The following OSTN variants were observed in gnomAD, a reference collection of about 807,000 sequenced individuals.
OSTN encodes the protein osteocrin.
Under a neutral mutation model 12.0 loss-of-function variants are expected in OSTN, and 9 were observed. The observed-to-expected ratio is 0.75, with a 90% confidence interval of 0.45 to 1.30. OSTN has a LOEUF of 1.30. OSTN is among the 50% of genes most tolerant of loss of function. The probability of loss-of-function intolerance (pLI) is 0.00; values close to 1 mark genes in which losing one functional copy is unlikely to be tolerated. For synonymous variants in OSTN, 59 were observed against 56.9 expected, an observed-to-expected ratio of 1.04 and a Z score of -0.16; for missense variants, 148 against 152.3, an observed-to-expected ratio of 0.97 and a Z score of 0.15.
intron 3 of OSTN, chr3:191,228,820 G>A (rs541317439): frequency 4.6e-5 from 7 of 152,258 alleles, no homozygotes; most frequent in Middle Eastern, 3.4e-3. Context: ...AGTAAACGAG[G>A]TAGAAATTTC....
intron 3 of OSTN, among the ~76,000 whole-genome samples, chr3:191,246,604 C>CAAAAAA (rs34157872): frequency 1.9e-5 from 2 of 106,894 alleles, no homozygotes; most frequent in Non-Finnish European, 3.6e-5. Context: ...GACCCTGTAT[C>CAAAAAA]AAAAAAAAAA....
chr3:191,210,886 C>G (rs967166951), intron 1 of OSTN, among the ~76,000 whole-genome samples: 2 of 152,214 alleles, frequency 1.3e-5, no homozygotes, highest in African/African-American at 2.4e-5. Context: ...ATTTTACCTA[C>G]AGTTTTGTAA....
At chr3:191,234,929 C>G (rs1203288745) in intron 3 of OSTN, among the ~76,000 whole-genome samples, 1 of 151,890 alleles carries the variant, frequency 6.6e-6, no homozygotes, top group Non-Finnish European at 1.5e-5. Flanking sequence ...CCTCCTAGGA[C>G]TGAAAGTAGG....
chr3:191,239,249 A>G (rs1353765089), intron 3 of OSTN, among the ~76,000 whole-genome samples: 1 of 152,250 alleles, frequency 6.6e-6, no homozygotes, highest in Non-Finnish European at 1.5e-5. Context: ...GGGCCCTGTT[A>G]TGGAATTTTG....
rs778823175 is a variant in OSTN at position 191,250,097 on chromosome 3, C to T, written c.378C>T (p.Asn126=). The T allele has an allele frequency of 1.9e-6, 3 of 1,613,312 alleles. No individual in the cohort carries two copies. The highest frequency in any genetic ancestry group is 2.2e-5 in the South Asian group (2 of 91,062). The part of the protein sequence containing the change: ...FGIPMDRIGR[N]RLSNSRG ...TCCCCATGGATCGGATTGGTAGAAA[C>T]CGGCTTTCAAATTCCAGAGGCTAAT... Residue 126 remains asparagine (N), a synonymous_variant, in exon 4 of 5, where the codon AAC becomes AAT. Transcript: ENST00000682035.
chr3:191,206,189 A>C (rs1336981254), intron 1 of OSTN, among the ~76,000 whole-genome samples: 5 of 52,008 alleles, frequency 9.6e-5, no homozygotes, highest in Non-Finnish European at 1.8e-4. Context: ...TCCATCTCAG[A>C]AAAAAAAAAA....
chr3:191,228,463 A>G (rs556346073), intron 3 of OSTN, among the ~76,000 whole-genome samples: 1 of 152,308 alleles, frequency 6.6e-6, no homozygotes, highest in African/African-American at 2.4e-5. Flanking sequence ...CTAACTCACC[A>G]TCAAAAATCC....
chr3:191,212,862 T>C (rs998996456), intron 2 of OSTN, among the ~76,000 whole-genome samples: 7 of 125,736 alleles, frequency 5.6e-5, no homozygotes, highest in African/African-American at 2.0e-4. Context: ...CCTTTTCTTT[T>C]CTTTCTTTTT....
Position 191,258,259 on chromosome 3 carries a change from T to C in OSTN, c.*13-4607T>C, listed in dbSNP as rs1284158797. 2.0e-5 allele frequency among the ~76,000 whole-genome samples: 3 copies of C among 152,214 alleles called. No individual in the cohort carries two copies. In the East Asian group the frequency reaches 5.8e-4, roughly 29 times the overall value. On this transcript the variant is annotated intron_variant, in intron 4 of 4. Coordinates refer to ENST00000682035, the MANE Select transcript of OSTN (RefSeq NM_198184.2). ...GCAATCTCATTTAGATAGGTAGCTT[T>C]TAATTCAGTCTGTGTTTTTCAAGTG...
At chr3:191,234,010 T>A in intron 3 of OSTN, among the ~76,000 whole-genome samples, 1 of 151,458 alleles carries the variant, frequency 6.6e-6, no homozygotes, top group Non-Finnish European at 1.5e-5. Flanking sequence ...AAAAAATTGA[T>A]GATTGGCCTA....
intron 1 of OSTN, among the ~76,000 whole-genome samples, chr3:191,208,072 C>T (rs1714324087): frequency 6.6e-6 from 1 of 152,084 alleles, no homozygotes; most frequent in African/African-American, 2.4e-5. Flanking sequence ...ATTCCATGGT[C>T]GCTGTTTCTT....
chr3:191,209,816 AT>A (rs371763098), intron 1 of OSTN, among the ~76,000 whole-genome samples: 1,994 of 151,908 alleles, frequency 0.013, 33 homozygotes, highest in African/African-American at 0.04. Flanking sequence ...CCAAAGTTTT[AT>A]TTTTTTTCCA....
In OSTN at chr3:191,263,428, T is replaced by G. The variant is rs1004680546; in HGVS notation, c.*575T>G. 6.6e-6 allele frequency: 1 copy of G among 152,228 alleles called. No homozygotes were observed. Among genetic ancestry groups the G allele is most frequent in the African/African-American group, 2.4e-5 (1 of 41,466 alleles). The allele number at this position is 152,228 out of a possible 1,614,324, so 9.4% of individuals were successfully genotyped here. A position where few individuals can be genotyped will look rare whatever the true frequency, so the allele number is the denominator to read the frequency against. ...ACACAGCCCCAATGAGCCTATTGAC[T>G]TAGAATTAAGAAAGTGAAGGACATT... On this transcript the variant is annotated 3_prime_UTR_variant, in exon 5 of 5. Transcript: ENST00000682035.
intron 3 of OSTN, among the ~76,000 whole-genome samples, chr3:191,249,252 G>A (rs377643217): frequency 4.5e-4 from 69 of 152,244 alleles, no homozygotes; most frequent in African/African-American, 1.6e-3. Context: ...AAAGTTATAC[G>A]ATCAAAGCTC....
At chr3:191,226,676 G>A (rs927272682) in intron 3 of OSTN, among the ~76,000 whole-genome samples, 1 of 152,074 alleles carries the variant, frequency 6.6e-6, no homozygotes, top group African/African-American at 2.4e-5. Context: ...TTTTACAATA[G>A]CATTGCCCAT....
In OSTN at chr3:191,226,944, A is replaced by G. The variant is rs578041735; in HGVS notation, c.317+7983A>G. Among the ~76,000 whole-genome samples the G allele has an allele frequency of 5.3e-5, 8 of 152,288 alleles. No individual in the cohort carries two copies. In the South Asian group the frequency reaches 8.3e-4, roughly 16 times the overall value. ...GAAGACATTGTTGGAAGTTCTACAT[A>G]GAGAAGGAATAGAGAAGCTCTTCTA... On this transcript the variant is annotated intron_variant, in intron 3 of 4. Coordinates refer to ENST00000682035, the MANE Select transcript of OSTN (RefSeq NM_198184.2).
At chr3:191,249,416 T>C (rs1036794030) in intron 3 of OSTN, among the ~76,000 whole-genome samples, 20 of 152,240 alleles carry the variant, frequency 1.3e-4, no homozygotes, top group African/African-American at 4.8e-4. Context: ...TTGGTAGTAC[T>C]GTGTGGACTT....
rs73888515 is a variant in OSTN at position 191,256,134 on chromosome 3, C to A, written c.*12+6001C>A. On this transcript the variant is annotated intron_variant, in intron 4 of 4. Coordinates refer to ENST00000682035, the MANE Select transcript of OSTN (RefSeq NM_198184.2). The stretch of plus-strand genomic sequence containing the variant: ...CAAGAAAAATCAGTTATTTCTATAG[C>A]ATATAACAATTTAACATAATAATTA... Among the ~76,000 whole-genome samples, 1,056 of 152,022 alleles carry A rather than the reference C, an allele frequency of 6.9e-3. 15 individuals carry two copies. The highest frequency in any genetic ancestry group is 0.024 in the African/African-American group (1,011 of 41,498).
At chr3:191,248,481 G>A (rs1453698558) in intron 3 of OSTN, among the ~76,000 whole-genome samples, 3 of 152,166 alleles carry the variant, frequency 2.0e-5, no homozygotes, top group Admixed American at 1.3e-4. Context: ...AATAAGTATA[G>A]TTTAATAATA....
Sources: gnomAD v4.1 joint callset for allele counts (sites outside exome capture counted in the v4.1 genomes callset) on GRCh38, gnomAD v4.1.1 for gene constraint, MANE v1.5 for transcripts, NCBI Gene and HGNC (gene_info 2026-07-23, HGNC 2026-07-21) for gene names.